Variants in KCNT2 observed in about 807,000 individuals in gnomAD.
The protein encoded by KCNT2 is potassium channel subfamily T member 2.
A neutral mutation model predicts 153.8 loss-of-function variants in KCNT2; 67 were observed. That is an observed-to-expected ratio of 0.44 (90% CI 0.36 to 0.53). The LOEUF is 0.53. KCNT2 is among the 20% of genes least tolerant of loss of function. The pLI, the probability that KCNT2 is intolerant of heterozygous loss-of-function variation, is 0.00. For synonymous variants in KCNT2, 500 were observed against 458.8 expected, an observed-to-expected ratio of 1.09 and a Z score of -1.15; for missense variants, 975 against 1,354.8, an observed-to-expected ratio of 0.72 and a Z score of 4.40.
intron 1 of KCNT2, among the ~76,000 whole-genome samples, chr1:196,499,240 T>C (rs1680485033): frequency 6.6e-6 from 1 of 152,226 alleles, no homozygotes; most frequent in Admixed American, 6.5e-5. Flanking sequence ...ATTTCTGGCC[T>C]CCATTACTGT....
chr1:196,265,162 C>CT (rs961327928), intron 25 of KCNT2, among the ~76,000 whole-genome samples: 24 of 152,160 alleles, frequency 1.6e-4, no homozygotes, highest in African/African-American at 5.3e-4. Flanking sequence ...GAAAGGTAGT[C>CT]TTAACAACTG....
chr1:196,606,958 A>C (rs1398458092), intron 1 of KCNT2, among the ~76,000 whole-genome samples: 1 of 152,188 alleles, frequency 6.6e-6, no homozygotes, highest in Admixed American at 6.5e-5. Context: ...TACTTCTTTA[A>C]ATTTTTAGCC....
At chr1:196,583,488 C>A (rs565890818) in intron 1 of KCNT2, among the ~76,000 whole-genome samples, 10 of 152,072 alleles carry the variant, frequency 6.6e-5, no homozygotes, top group African/African-American at 2.4e-4. Context: ...ATTTGGAAAT[C>A]ATCAACATAT....
intron 8 of KCNT2, among the ~76,000 whole-genome samples, chr1:196,444,948 C>A (rs1303402442): frequency 1.7e-4 from 25 of 151,318 alleles, no homozygotes. Context: ...CTAACCAGAG[C>A]AAATAATAGA....
At chr1:196,430,039 C>T (rs1047398027) in intron 8 of KCNT2, among the ~76,000 whole-genome samples, 4 of 152,040 alleles carry the variant, frequency 2.6e-5, no homozygotes, top group African/African-American at 9.7e-5. Context: ...GGGTGATACA[C>T]ATAGACACTG....
At chr1:196,514,165 G>C (rs546492695) in intron 1 of KCNT2, among the ~76,000 whole-genome samples, 2 of 152,124 alleles carry the variant, frequency 1.3e-5, no homozygotes, top group African/African-American at 2.4e-5. Context: ...CATTTTGCTC[G>C]TGTTTTCAGA....
intron 19 of KCNT2, among the ~76,000 whole-genome samples, chr1:196,320,369 T>C (rs1190261635): frequency 6.6e-6 from 1 of 151,846 alleles, no homozygotes; most frequent in Non-Finnish European, 1.5e-5. Flanking sequence ...GAATATCCTG[T>C]TAACTTGTAA....
chr1:196,559,958 T>G (rs1659164903), intron 1 of KCNT2, among the ~76,000 whole-genome samples: 1 of 151,922 alleles, frequency 6.6e-6, no homozygotes, highest in Non-Finnish European at 1.5e-5. Flanking sequence ...TTCTTCAGTC[T>G]TATTTGTAAT....
intron 3 of KCNT2, among the ~76,000 whole-genome samples, chr1:196,488,232 A>G (rs565707258): frequency 3.9e-5 from 6 of 152,102 alleles, no homozygotes; most frequent in South Asian, 4.1e-4. Flanking sequence ...CTCTAATTAA[A>G]TAAATCTCTT....
chr1:196,500,473 G>A (rs1332975820), intron 1 of KCNT2, among the ~76,000 whole-genome samples: 1 of 152,132 alleles, frequency 6.6e-6, no homozygotes, highest in East Asian at 1.9e-4. Flanking sequence ...TTGGTAGTAG[G>A]AGAATTCTAG....
chr1:196,288,622 A>G (rs1345669485), intron 22 of KCNT2, among the ~76,000 whole-genome samples: 1 of 152,106 alleles, frequency 6.6e-6, no homozygotes, highest in African/African-American at 2.4e-5. Flanking sequence ...ATTTGCAGAA[A>G]CAGATCTTAT....
At chr1:196,261,146 T>C (rs1656988943) in intron 25 of KCNT2, among the ~76,000 whole-genome samples, 1 of 151,858 alleles carries the variant, frequency 6.6e-6, no homozygotes. Flanking sequence ...GCCATCATAA[T>C]CTAGTGGAAA....
At chr1:196,516,016 A>G (rs1368990944) in intron 1 of KCNT2, among the ~76,000 whole-genome samples, 1 of 152,170 alleles carries the variant, frequency 6.6e-6, no homozygotes, top group Non-Finnish European at 1.5e-5. Context: ...CAGGAGCATT[A>G]GATACCCAGA....
At chr1:196,414,944 A>C (rs923682564) in intron 12 of KCNT2, among the ~76,000 whole-genome samples, 1 of 151,956 alleles carries the variant, frequency 6.6e-6, no homozygotes, top group African/African-American at 2.4e-5. Flanking sequence ...TGGCTTGATC[A>C]TATTAAGGGC....
intron 8 of KCNT2, among the ~76,000 whole-genome samples, chr1:196,456,521 T>C (rs1240187183): frequency 1.3e-5 from 2 of 152,128 alleles, no homozygotes; most frequent in South Asian, 2.1e-4. Flanking sequence ...TGCTTCCAGA[T>C]TTTGTCTTCT....
At chr1:196,344,906 C>G (rs1178650118) in intron 14 of KCNT2, among the ~76,000 whole-genome samples, 1 of 151,902 alleles carries the variant, frequency 6.6e-6, no homozygotes, top group African/African-American at 2.4e-5. Flanking sequence ...TTCAAAACCT[C>G]TAATAGTTAA....
At chr1:196,260,663 G>T (rs1458556712) in intron 25 of KCNT2, among the ~76,000 whole-genome samples, 1 of 151,694 alleles carries the variant, frequency 6.6e-6, no homozygotes, top group Non-Finnish European at 1.5e-5. Context: ...CACATCAATT[G>T]CTCTTTACAT....
intron 1 of KCNT2, among the ~76,000 whole-genome samples, chr1:196,573,940 T>C (rs1281444384): frequency 6.6e-6 from 1 of 151,882 alleles, no homozygotes; most frequent in African/African-American, 2.4e-5. Flanking sequence ...ATACTTAGTT[T>C]CTTGAAGGGG....
chr1:196,306,049 G>C (rs181009501), intron 21 of KCNT2, among the ~76,000 whole-genome samples: 1 of 151,948 alleles, frequency 6.6e-6, no homozygotes, highest in Non-Finnish European at 1.5e-5. Context: ...GAGAAAAGGG[G>C]CAGGATGATA....
Sources: allele counts gnomAD v4.1 joint callset (sites outside exome capture counted in the v4.1 genomes callset), GRCh38; gene constraint gnomAD v4.1.1; transcripts MANE v1.5; gene names NCBI Gene and HGNC (gene_info 2026-07-23, HGNC 2026-07-21).